Variants in MAP1S observed in about 807,000 individuals in gnomAD.
MAP1S encodes the protein microtubule associated protein 1S.
A neutral mutation model predicts 60.9 loss-of-function variants in MAP1S; 27 were observed. The observed-to-expected ratio is 0.44, with a 90% CI of 0.33 to 0.61. MAP1S has a LOEUF of 0.61. Among genes scored for constraint, MAP1S ranks in the 20% least tolerant of loss-of-function variants. The pLI, the probability that MAP1S is intolerant of heterozygous loss-of-function variation, is 0.03. For missense variants in MAP1S, 1,608 were observed against 1,486.6 expected (o/e 1.08, Z -1.34); for synonymous variants, 826 against 694.2 (o/e 1.19, Z -2.98).
rs2080455361 is a variant in MAP1S, at chr19:17,727,858, C to T, written c.2474C>T (p.Pro825Leu). ...GFGVPRHDPL[P>L]DPLKVPPPLP... ...GGAGTCCCTCGCCACGACCCTTTGC[C>T]TGACCCCCTCAAGGTCCCCCCACCA... Residue 825 changes from proline to leucine, a missense_variant, in exon 5 of 7, where the codon CCT becomes CTT. Around this residue, in one of 4 missense-constraint regions of MAP1S, gnomAD observed 1,167 missense variants for 961.4 expected, o/e 1.21. Transcript: ENST00000324096. The surrounding 1 kb of genome is among the most constrained non-coding windows in gnomAD (Gnocchi z 4.1). 2.5e-6 allele frequency: 4 copies of T among 1,613,450 alleles called. No homozygotes were observed. The highest frequency in any genetic ancestry group is 3.4e-6 in the Non-Finnish European group (4 of 1,179,842).
intron 3 of MAP1S, among the ~76,000 whole-genome samples, chr19:17,724,461 G>A (rs190640777): frequency 1.8e-3 from 277 of 152,276 alleles, no homozygotes; most frequent in African/African-American, 4.5e-3. Context: ...CCAGGACAGC[G>A]TGGGTCTGGA....
chr19:17,733,294 G>A lies in MAP1S; in HGVS notation c.2890G>A (p.Asp964Asn), dbSNP rs1253125819. Residue 964 changes from aspartate to asparagine, a missense_variant, in exon 6 of 7, where the codon GAT becomes AAT. By Grantham distance (23) the Asp-to-Asn change is conservative (BLOSUM62 1). Around this residue, in one of 4 missense-constraint regions of MAP1S, gnomAD observed 1,167 missense variants for 961.4 expected, o/e 1.21. Transcript: ENST00000324096. ...LPSGSSAHLV[D>N]EEFFQRVRAL... The stretch of plus-strand genomic sequence containing the variant: ...CAGCGGGAGCAGCGCCCACCTGGTG[G>A]ATGAGGAGTTCTTCCAGCGCGTGCG... 1.3e-6 allele frequency: 2 copies of A among 1,585,340 alleles called. No homozygotes were observed. Among genetic ancestry groups the A allele is most frequent in the Non-Finnish European group, 1.7e-6 (2 of 1,167,058 alleles).
At position 17,724,174 on chromosome 19, in the gene MAP1S, T is replaced by TC; in HGVS notation, c.271dup (p.Leu91ProfsTer10). 6.2e-7 allele frequency: 1 copy of TC among 1,613,972 alleles called. No homozygotes were observed. Among genetic ancestry groups the TC allele is most frequent in the Non-Finnish European group, 8.5e-7 (1 of 1,179,956 alleles). ...GGAGACAACCTGGAGACCCTGGTCC[T>TC]CCTGAACCCATCAGACAAGTCCCTG... On this transcript the variant is annotated frameshift_variant, in exon 3 of 7. Coordinates refer to ENST00000324096, the MANE Select transcript of MAP1S (RefSeq NM_018174.6). LOFTEE classifies it high-confidence loss of function.
chr19:17,730,889 C>CTTTTTTTTTTTTTTTTTT (rs1568296101), intron 5 of MAP1S, among the ~76,000 whole-genome samples: 2 of 145,912 alleles, frequency 1.4e-5, no homozygotes. Context: ...TTTCTTTTTT[C>CTTTTTTTTTTTTTTTTTT]TTTTTCTTTT....
chr19:17,720,622 C>A, intron 1 of MAP1S: 1 of 997,482 alleles, frequency 1.0e-6, no homozygotes, highest in Non-Finnish European at 1.4e-6. Context: ...GACTTCCAGG[C>A]AGGGGAAACA....
intron 1 of MAP1S, chr19:17,720,066 CG>C: frequency 9.1e-7 from 1 of 1,094,418 alleles, no homozygotes; most frequent in Non-Finnish European, 1.1e-6. Context: ...CCTGGAGCCC[CG>C]GGGCCCGCTT....
chr19:17,733,171 C>T (rs770420311), intron 5 of MAP1S, 22 bp from the exon 6 acceptor site: 3 of 1,490,174 alleles, frequency 2.0e-6, no homozygotes, highest in African/African-American at 2.8e-5. Context: ...TCATCCCTGC[C>T]TCCCCATCCC....
Position 17,730,895 on chromosome 19 carries a change from C to T in MAP1S, c.2789-2298C>T, listed in dbSNP as rs868170578. Among the ~76,000 whole-genome samples, 50 of 134,692 alleles carry T rather than the reference C, an allele frequency of 3.7e-4. No individual in the cohort carries two copies. The Middle Eastern group carries it at 0.029, about 78-fold the overall frequency. 88.4% of individuals were successfully genotyped at this position (134,692 alleles called of 152,430 possible). On this transcript the variant is annotated intron_variant, in intron 5 of 6. Coordinates refer to ENST00000324096, the MANE Select transcript of MAP1S (RefSeq NM_018174.6). ...TCGATTTTTTTTCTTTTTTCTTTTT[C>T]TTTTTTTTTTTTTTCAGATGAGTCT...
intron 1 of MAP1S, chr19:17,719,893 G>A: frequency 6.1e-6 from 1 of 163,910 alleles, no homozygotes; most frequent in Non-Finnish European, 1.3e-5. Flanking sequence ...TAGGGGAGGG[G>A]ACACGGGCCT....
At chr19:17,722,768 A>AGGGG (rs2080382165) in intron 2 of MAP1S, among the ~76,000 whole-genome samples, 2 of 84,694 alleles carry the variant, frequency 2.4e-5, no homozygotes, top group Non-Finnish European at 2.3e-5. Flanking sequence ...AGAGAGAGAG[A>AGGGG]GGGAGGGAGG....
intron 5 of MAP1S, among the ~76,000 whole-genome samples, chr19:17,729,671 A>G (rs915124851): frequency 1.3e-5 from 2 of 151,048 alleles, no homozygotes; most frequent in Non-Finnish European, 3.0e-5. Flanking sequence ...ACGGCCAGCT[A>G]ATTTTTTTTT....
intron 6 of MAP1S, among the ~76,000 whole-genome samples, chr19:17,733,937 C>A (rs2080515979): frequency 6.6e-6 from 1 of 152,170 alleles, no homozygotes; most frequent in Admixed American, 6.5e-5. Context: ...CAGGAAAAGG[C>A]CCAGAGGTAG....
rs750455427 is a variant in MAP1S at position 17,734,436 on chromosome 19, G to A, written c.*8G>A. 26 of 1,600,636 alleles carry A rather than the reference G, an allele frequency of 1.6e-5. No homozygotes were observed. Among genetic ancestry groups the A allele is most frequent in the Middle Eastern group, 1.7e-4 (1 of 6,044 alleles). ...TGCAAGGTGGAGTTCTAGCCCCATC[G>A]CCGACACGCCCCCCACTCAGCCCAG... On this transcript the variant is annotated 3_prime_UTR_variant, in exon 7 of 7. Coordinates refer to ENST00000324096, the MANE Select transcript of MAP1S (RefSeq NM_018174.6).
At position 17,733,353 on chromosome 19, in the gene MAP1S, G is replaced by C; in HGVS notation, c.2949G>C (p.Gln983His). 1 of 1,610,914 alleles carries C rather than the reference G, an allele frequency of 6.2e-7. No individual in the cohort carries two copies. Among genetic ancestry groups the C allele is most frequent in the Non-Finnish European group, 8.5e-7 (1 of 1,179,178 alleles). The change falls in exon 6 of 7, where the codon CAG becomes CAC. Residue 983 changes from glutamine to histidine, a missense_variant. Physicochemically the swap from Gln to His is conservative, Grantham distance 24. Transcript: ENST00000324096. ...ALCYVISGQD[Q>H]RKEEGMRAVL... ...GCTACGTCATCAGTGGCCAGGACCA[G>C]CGCAAGGAGGAAGGCATGCGGGCCG...
In MAP1S at chr19:17,734,459, C is replaced by T; in HGVS notation, c.*31C>T. 6.3e-7 allele frequency: 1 copy of T among 1,587,032 alleles called. No individual in the cohort carries two copies. Among genetic ancestry groups the T allele is most frequent in the Non-Finnish European group, 8.6e-7 (1 of 1,164,756 alleles). ...TCGCCGACACGCCCCCCACTCAGCC[C>T]AGCCCGCCTGTCCCTAGATTCAGCC... is the stretch of plus-strand genomic sequence containing the variant. On this transcript the variant is annotated 3_prime_UTR_variant, in exon 7 of 7. Transcript: ENST00000324096.
chr19:17,734,214 AG>A (rs1321576985), intron 6 of MAP1S, 58 bp from the exon 7 acceptor site: 20 of 1,476,040 alleles, frequency 1.4e-5, no homozygotes, highest in Non-Finnish European at 1.9e-5. Flanking sequence ...CCAGAAGGGC[AG>A]GGGGCACCCC....
intron 5 of MAP1S, among the ~76,000 whole-genome samples, chr19:17,729,557 G>A (rs1470281260): frequency 3.3e-5 from 5 of 152,150 alleles, no homozygotes; most frequent in Non-Finnish European, 5.9e-5. Context: ...CCAGGCTGGA[G>A]TGCAGTGGCG....
rs562783139 is a variant in MAP1S, at chr19:17,720,506, G to A, written c.119-430G>A. ...CAGCTCACATGGTGTCAGGAAGGAT[G>A]AGAAGGCTGCAAGGGACTGAGAGGA... is the stretch of plus-strand genomic sequence containing the variant. On this transcript the variant is annotated intron_variant, in intron 1 of 6. Transcript: ENST00000324096. 23 of 1,512,720 alleles carry A rather than the reference G, an allele frequency of 1.5e-5. No individual in the cohort carries two copies. The South Asian group carries it at 2.4e-4, about 16-fold the overall frequency. The allele number at this position is 1,512,720 out of a possible 1,614,324, so 93.7% of individuals were successfully genotyped here.
intron 2 of MAP1S, among the ~76,000 whole-genome samples, chr19:17,722,369 T>C (rs2080377869): frequency 6.6e-6 from 1 of 152,228 alleles, no homozygotes; most frequent in Admixed American, 6.5e-5. Context: ...GGAGGATCGC[T>C]TTTACCCAGG....
Sources: allele counts gnomAD v4.1 joint callset (sites outside exome capture counted in the v4.1 genomes callset), GRCh38; gene constraint gnomAD v4.1.1; regional missense constraint gnomAD v4.1.1; non-coding constraint Gnocchi (gnomAD v3.1); transcripts MANE v1.5; gene names NCBI Gene and HGNC (gene_info 2026-07-23, HGNC 2026-07-21).